Variants in UBE2D2 observed in about 807,000 individuals in gnomAD.
UBE2D2 encodes ubiquitin-conjugating enzyme E2 D2.
In UBE2D2, 2 loss-of-function variants were observed where a neutral mutation model predicts 24.2. The ratio of observed to expected loss-of-function variants is 0.08; its 90% CI spans 0.03 to 0.26. The LOEUF is 0.26. UBE2D2 is among the 10% of genes least tolerant of loss of function. The pLI is 1.00. For synonymous variants in UBE2D2, 58 were observed against 56.5 expected, an observed-to-expected ratio of 1.03 and a Z score of -0.12; for missense variants, 44 against 177.6, an observed-to-expected ratio of 0.25 and a Z score of 4.28.
intron 1 of UBE2D2, among the ~76,000 whole-genome samples, chr5:139,596,032 T>C (rs1753952935): frequency 6.6e-6 from 1 of 150,482 alleles, no homozygotes; most frequent in Non-Finnish European, 1.5e-5. Context: ...TAGCTGGGAC[T>C]ACAGGCGCGC....
Position 139,539,567 on chromosome 5 carries a change from T to C in UBE2D2, c.-64+12955T>C, listed in dbSNP as rs1360900910. 5.3e-5 allele frequency among the ~76,000 whole-genome samples: 8 copies of C among 152,078 alleles called. No individual in the cohort carries two copies. The East Asian group carries it at 1.5e-3, about 29-fold the overall frequency. On this transcript the variant is annotated intron_variant, in intron 1 of 6. Coordinates refer to the UBE2D2 transcript ENST00000511725. ...TATGATAAAATGGTATAAAACTATA[T>C]ACACACATTGTACCAACATCAATTT...
At position 139,624,710 on chromosome 5, in the gene UBE2D2, C is replaced by T. The variant is rs534247209; in HGVS notation, c.398+1249C>T. 4.6e-5 allele frequency among the ~76,000 whole-genome samples: 7 copies of T among 152,278 alleles called. No individual in the cohort carries two copies. The East Asian group carries it at 9.6e-4, about 21-fold the overall frequency. On this transcript the variant is annotated intron_variant, in intron 6 of 6. Transcript: ENST00000398733. ...CTGAGATAATTGCTTAAACTCAGGA[C>T]GTTTAGGTTGCGGTGAGCTGAAATT...
intron 5 of UBE2D2, among the ~76,000 whole-genome samples, chr5:139,621,894 A>T (rs928289127): frequency 6.6e-6 from 1 of 152,334 alleles, no homozygotes; most frequent in African/African-American, 2.4e-5. Context: ...AAGTGCTGTG[A>T]TTACAGGAGT....
intron 2 of UBE2D2, 108 bp from the exon 3 acceptor site, chr5:139,614,475 TATC>T: frequency 7.9e-7 from 1 of 1,262,114 alleles, no homozygotes; most frequent in East Asian, 2.4e-5. Flanking sequence ...TCATACTCAT[TATC>T]ATATTATTTA....
intron 1 of UBE2D2, among the ~76,000 whole-genome samples, chr5:139,588,122 C>T (rs527499395): frequency 6.6e-6 from 1 of 151,700 alleles, no homozygotes; most frequent in African/African-American, 2.4e-5. Context: ...TGCCACCATG[C>T]CTGGCTAAAT....
At chr5:139,625,947 C>T (rs1198157712) in intron 6 of UBE2D2, among the ~76,000 whole-genome samples, 11 of 151,868 alleles carry the variant, frequency 7.2e-5, no homozygotes, top group African/African-American at 2.2e-4. Flanking sequence ...ATCATTTGCT[C>T]TGCTTACTTT....
chr5:139,530,573 C>T (rs912626537), intron 1 of UBE2D2, among the ~76,000 whole-genome samples: 3 of 152,108 alleles, frequency 2.0e-5, no homozygotes, highest in Non-Finnish European at 2.9e-5. Flanking sequence ...CTAATAAAAC[C>T]GGTCAAGCCT....
At chr5:139,600,554 A>C in intron 2 of UBE2D2, 119 bp downstream of exon 2, 1 of 891,230 alleles carries the variant, frequency 1.1e-6, no homozygotes, top group East Asian at 2.6e-5. Flanking sequence ...GAAGGGAGCA[A>C]CTCTATGTTC....
At chr5:139,531,726 C>G (rs1752599810) in intron 1 of UBE2D2, among the ~76,000 whole-genome samples, 1 of 151,942 alleles carries the variant, frequency 6.6e-6, no homozygotes, top group South Asian at 2.1e-4. Context: ...CTTTGGGAGG[C>G]CGAAGTGGGA....
chr5:139,544,887 C>T lies in UBE2D2; in HGVS notation c.-64+18275C>T, dbSNP rs187031383. Among the ~76,000 whole-genome samples the T allele has an allele frequency of 7.7e-3, 1,178 of 152,106 alleles. 8 individuals are homozygous for T. Among genetic ancestry groups the T allele is most frequent in the Middle Eastern group, 0.041 (12 of 294 alleles). On this transcript the variant is annotated intron_variant, in intron 1 of 6. Transcript: ENST00000511725. Reference sequence around the variant, plus strand: ...TGCCTCCCAGGTTCAAGCGATTCTCCTGCCTCAGCCTCCCAAGTAGCTGGG... The same window carrying T: ...TGCCTCCCAGGTTCAAGCGATTCTCTTGCCTCAGCCTCCCAAGTAGCTGGG...
At chr5:139,534,497 C>T (rs1338605457) in intron 1 of UBE2D2, among the ~76,000 whole-genome samples, 10 of 150,604 alleles carry the variant, frequency 6.6e-5, no homozygotes, top group Admixed American at 4.0e-4. Context: ...ACCCCGGAGT[C>T]GGAGCTTGCA....
At position 139,561,797 on chromosome 5, in the gene UBE2D2, T is replaced by G; in HGVS notation, c.6T>G (p.Ala2=). Residue 2 remains alanine (A), a synonymous_variant, in exon 1 of 7, where the codon GCT becomes GCG. Transcript: ENST00000398733. M[A]LKRIHKELND... ...GCCGCCACCCGCCTCCCACCATGGC[T>G]CTGAAGAGAATCCACAAGGTAAGCG... 7.5e-6 allele frequency: 11 copies of G among 1,463,328 alleles called. No homozygotes were observed. Among genetic ancestry groups the G allele is most frequent in the Non-Finnish European group, 9.0e-6 (10 of 1,109,982 alleles). The allele number at this position is 1,463,328 out of a possible 1,614,324, so 90.6% of individuals were successfully genotyped here. A position where few individuals can be genotyped will look rare whatever the true frequency, so the allele number is the denominator to read the frequency against.
chr5:139,623,240 T>G (rs888902446), intron 5 of UBE2D2, 128 bp from the exon 6 acceptor site: 3 of 452,142 alleles, frequency 6.6e-6, no homozygotes, highest in African/African-American at 6.0e-5. Context: ...TAAAGTTAAG[T>G]AAAACTTACA....
At chr5:139,624,562 C>T (rs1754576619) in intron 6 of UBE2D2, among the ~76,000 whole-genome samples, 1 of 152,218 alleles carries the variant, frequency 6.6e-6, no homozygotes, top group South Asian at 2.1e-4. Flanking sequence ...CTGAGGTGGG[C>T]AGATCACAAG....
intron 1 of UBE2D2, chr5:139,562,158 G>T (rs1220518106): frequency 2.3e-6 from 3 of 1,322,060 alleles, no homozygotes; most frequent in East Asian, 3.3e-5. Context: ...GCCGAGGGGG[G>T]CGCTGGGGCG....
At chr5:139,601,340 A>C (rs780318088) in intron 2 of UBE2D2, among the ~76,000 whole-genome samples, 2 of 152,216 alleles carry the variant, frequency 1.3e-5, no homozygotes, top group African/African-American at 2.4e-5. Flanking sequence ...GTGATGGCTC[A>C]TGTCCCTAAT....
At chr5:139,604,454 A>G (rs1392183349) in intron 2 of UBE2D2, among the ~76,000 whole-genome samples, 1 of 152,094 alleles carries the variant, frequency 6.6e-6, no homozygotes, top group Non-Finnish European at 1.5e-5. Context: ...AAACTCCTAT[A>G]ACTCAGTATA....
At chr5:139,556,809 A>G (rs534533449), upstream of UBE2D2, among the ~76,000 whole-genome samples, 1 of 152,292 alleles carries the variant, frequency 6.6e-6, no homozygotes, top group African/African-American at 2.4e-5. Flanking sequence ...ACACAAGAAG[A>G]AAAAGAAAAT....
At chr5:139,529,046 G>A (rs1430683532) in intron 1 of UBE2D2, among the ~76,000 whole-genome samples, 1 of 152,188 alleles carries the variant, frequency 6.6e-6, no homozygotes, top group African/African-American at 2.4e-5. Context: ...GACTTCAACT[G>A]ACCTTCCTCA....
Sources: gnomAD v4.1 joint callset for allele counts (sites outside exome capture counted in the v4.1 genomes callset) on GRCh38, gnomAD v4.1.1 for gene constraint, MANE v1.5 for transcripts, NCBI Gene and HGNC (gene_info 2026-07-23, HGNC 2026-07-21) for gene names.